The following NMNAT3 variants were observed in gnomAD, a reference collection of about 807,000 sequenced individuals.
NMNAT3 encodes nicotinamide nucleotide adenylyltransferase 3, also known as nicotinamide/nicotinic acid mononucleotide adenylyltransferase 3.
A neutral mutation model predicts 24.8 loss-of-function variants in NMNAT3; 21 were observed. The observed-to-expected ratio is 0.85, with a 90% CI of 0.60 to 1.22. NMNAT3 has a LOEUF of 1.22. Ranked by LOEUF, NMNAT3 falls within the 50% of genes most tolerant of loss-of-function variation. The probability of loss-of-function intolerance (pLI) is 0.00; values close to 1 mark genes in which losing one functional copy is unlikely to be tolerated. For synonymous variants in NMNAT3, 136 were observed against 155.2 expected (o/e 0.88, Z 0.92); for missense variants, 387 against 436.6 (o/e 0.89, Z 1.01).
chr3:139,570,077 TTTCATTTCA>T (rs1937917038), intron 6 of NMNAT3: 1 of 152,156 alleles, frequency 6.6e-6, no homozygotes, highest in Non-Finnish European at 1.5e-5. Flanking sequence ...TCTCTTATCA[TTTCATTTCA>T]TTCATTTCAT....
At chr3:139,615,935 G>A (rs1481129901) in intron 3 of NMNAT3, among the ~76,000 whole-genome samples, 1 of 152,140 alleles carries the variant, frequency 6.6e-6, no homozygotes, top group Non-Finnish European at 1.5e-5. Flanking sequence ...CCCCAGGGCT[G>A]CTTGTCTCAA....
chr3:139,623,324 C>G (rs2055886604), intron 3 of NMNAT3, among the ~76,000 whole-genome samples: 1 of 152,152 alleles, frequency 6.6e-6, no homozygotes, highest in African/African-American at 2.4e-5. Flanking sequence ...CACATCTTGT[C>G]CCACTAGAAG....
intron 6 of NMNAT3, among the ~76,000 whole-genome samples, chr3:139,572,455 G>T (rs1054135091): frequency 1.3e-5 from 2 of 152,140 alleles, no homozygotes; most frequent in African/African-American, 4.8e-5. Flanking sequence ...CCCCAGACTG[G>T]CTGTAAAGCA....
chr3:139,627,296 G>A (rs1248137647), intron 3 of NMNAT3, among the ~76,000 whole-genome samples: 1 of 152,100 alleles, frequency 6.6e-6, no homozygotes, highest in Admixed American at 6.5e-5. Context: ...GGCTGTGTAG[G>A]TAGATGTTGG....
chr3:139,663,378 T>C (rs1322454732), intron 1 of NMNAT3, among the ~76,000 whole-genome samples: 1 of 152,214 alleles, frequency 6.6e-6, no homozygotes. Flanking sequence ...GCAATCTTAA[T>C]GCCCCCATGC....
intron 3 of NMNAT3, among the ~76,000 whole-genome samples, chr3:139,591,082 C>T (rs2054143619): frequency 6.6e-6 from 1 of 151,632 alleles, no homozygotes; most frequent in Admixed American, 6.6e-5. Context: ...TAGGGAGTGC[C>T]AGACAGTGGG....
At chr3:139,572,315 A>G (rs1305738766) in intron 6 of NMNAT3, 1 of 397,400 alleles carries the variant, frequency 2.5e-6, no homozygotes, top group African/African-American at 2.1e-5. Flanking sequence ...GATGGGTGGG[A>G]AGGAGCCCAT....
At chr3:139,586,419 C>G (rs1013442293) in intron 3 of NMNAT3, among the ~76,000 whole-genome samples, 2 of 152,144 alleles carry the variant, frequency 1.3e-5, no homozygotes, top group Non-Finnish European at 2.9e-5. Context: ...CTACCCACCA[C>G]TTTTTGTTGT....
At chr3:139,565,191 A>G (rs1936989510) in intron 6 of NMNAT3, among the ~76,000 whole-genome samples, 1 of 152,110 alleles carries the variant, frequency 6.6e-6, no homozygotes, top group Non-Finnish European at 1.5e-5. Flanking sequence ...ACTTCCTGCC[A>G]TTGTAAAAAC....
chr3:139,580,446 GT>G (rs1484195870), intron 4 of NMNAT3, among the ~76,000 whole-genome samples: 13 of 152,230 alleles, frequency 8.5e-5, no homozygotes, highest in Admixed American at 5.2e-4. Flanking sequence ...TTTTCTGAGT[GT>G]TTTGTAGAAC....
intron 3 of NMNAT3, among the ~76,000 whole-genome samples, chr3:139,617,788 T>C (rs1417764748): frequency 6.6e-6 from 1 of 152,208 alleles, no homozygotes; most frequent in Non-Finnish European, 1.5e-5. Flanking sequence ...AGTAAGTTTG[T>C]TGGGAAACTT....
At chr3:139,659,870 A>G (rs775654606) in intron 1 of NMNAT3, among the ~76,000 whole-genome samples, 10 of 152,264 alleles carry the variant, frequency 6.6e-5, no homozygotes, top group Non-Finnish European at 1.3e-4. Flanking sequence ...ATTTTCAAAG[A>G]CCAGCAGTAT....
intron 3 of NMNAT3, among the ~76,000 whole-genome samples, chr3:139,603,334 T>A (rs1372134634): frequency 6.6e-6 from 1 of 152,176 alleles, no homozygotes; most frequent in Non-Finnish European, 1.5e-5. Flanking sequence ...GCAAATTATA[T>A]CACGGGAATT....
chr3:139,602,637 G>A (rs1362558322), intron 3 of NMNAT3, among the ~76,000 whole-genome samples: 1 of 152,168 alleles, frequency 6.6e-6, no homozygotes, highest in Admixed American at 6.5e-5. Context: ...GATTGGCATT[G>A]GCTATAGAGA....
intron 1 of NMNAT3, among the ~76,000 whole-genome samples, chr3:139,656,232 A>T (rs913860844): frequency 2.0e-5 from 3 of 152,258 alleles, no homozygotes; most frequent in African/African-American, 7.2e-5. Context: ...GCAGAGTTGC[A>T]GACCTATTGG....
At chr3:139,603,373 T>C (rs2054798226) in intron 3 of NMNAT3, among the ~76,000 whole-genome samples, 1 of 152,200 alleles carries the variant, frequency 6.6e-6, no homozygotes, top group Non-Finnish European at 1.5e-5. Flanking sequence ...GCTTTGCCCA[T>C]GTTACCCAGA....
At chr3:139,647,025 A>C (rs1307532937) in intron 1 of NMNAT3, among the ~76,000 whole-genome samples, 1 of 152,258 alleles carries the variant, frequency 6.6e-6, no homozygotes, top group Non-Finnish European at 1.5e-5. Flanking sequence ...AAGATTTAAA[A>C]AATGTATGGC....
At chr3:139,659,331 A>G (rs2057343482) in intron 1 of NMNAT3, among the ~76,000 whole-genome samples, 1 of 152,174 alleles carries the variant, frequency 6.6e-6, no homozygotes, top group South Asian at 2.1e-4. Context: ...TGAAGAACAT[A>G]AATAGTGCAT....
chr3:139,629,642 G>A (rs1175049276), intron 2 of NMNAT3, among the ~76,000 whole-genome samples: 1 of 152,110 alleles, frequency 6.6e-6, no homozygotes, highest in Non-Finnish European at 1.5e-5. Flanking sequence ...ACAGGAACCT[G>A]GGACCCTGCT....
Sources: allele counts gnomAD v4.1 joint callset (sites outside exome capture counted in the v4.1 genomes callset), GRCh38; gene constraint gnomAD v4.1.1; transcripts MANE v1.5; gene names NCBI Gene and HGNC (gene_info 2026-07-23, HGNC 2026-07-21).